Variants in PIP5K1C observed in about 807,000 individuals in gnomAD.
PIP5K1C encodes the protein phosphatidylinositol 4-phosphate 5-kinase type-1 gamma.
In PIP5K1C, 45 loss-of-function variants were observed where a neutral mutation model predicts 80.1. The observed-to-expected ratio is 0.56, with a 90% CI of 0.44 to 0.72. The LOEUF (loss-of-function observed/expected upper bound fraction) is 0.72. Ranked by LOEUF, PIP5K1C falls within the 30% of genes least tolerant of loss-of-function variation. The pLI is 0.00. For synonymous variants in PIP5K1C, 498 were observed against 420.1 expected (o/e 1.19, Z -2.27); for missense variants, 753 against 954.6 (o/e 0.79, Z 2.78).
chr19:3,692,338 A>G lies in PIP5K1C; in HGVS notation c.94+7959T>C, dbSNP rs549211521. Among the ~76,000 whole-genome samples, 104 of 152,202 alleles carry G rather than the reference A, an allele frequency of 6.8e-4. No individual in the cohort carries two copies. Among genetic ancestry groups the G allele is most frequent in the African/African-American group, 2.4e-3 (98 of 41,518 alleles). On this transcript the variant is annotated intron_variant, in intron 1 of 17. Transcript: ENST00000335312. The surrounding 1 kb of genome is among the most constrained non-coding windows in gnomAD (Gnocchi z 5.2). ...CTGCCGGCTCCCACCACGGCCCCCA[A>G]CGCTCCCTACAGGGGCTCCTGGGGC... is the stretch of plus-strand genomic sequence containing the variant.
intron 1 of PIP5K1C, among the ~76,000 whole-genome samples, chr19:3,686,666 C>T (rs1225084077): frequency 6.7e-6 from 1 of 149,748 alleles, no homozygotes; most frequent in African/African-American, 2.5e-5. Flanking sequence ...TGTGGTGAAC[C>T]GAGATCGCAC....
At chr19:3,662,128 C>T in intron 3 of PIP5K1C, 127 bp from the exon 4 acceptor site, 2 of 1,184,700 alleles carry the variant, frequency 1.7e-6, no homozygotes, top group Non-Finnish European at 2.4e-6. Context: ...CAACCCCCTC[C>T]TGGTGGTCCC....
At chr19:3,666,397 C>T (rs770483544) in intron 2 of PIP5K1C, among the ~76,000 whole-genome samples, 32 of 152,346 alleles carry the variant, frequency 2.1e-4, no homozygotes, top group Non-Finnish European at 4.1e-4. Context: ...GCAGGGCCAA[C>T]GTGCAGAGAA....
intron 12 of PIP5K1C, among the ~76,000 whole-genome samples, chr19:3,643,708 G>C (rs2145407451): frequency 7.1e-6 from 1 of 140,836 alleles, no homozygotes; most frequent in African/African-American, 2.7e-5. Flanking sequence ...GCGCTGCTTG[G>C]CCACACGGGC....
intron 5 of PIP5K1C, among the ~76,000 whole-genome samples, chr19:3,660,671 T>C (rs1172801046): frequency 6.6e-6 from 1 of 152,102 alleles, no homozygotes; most frequent in Non-Finnish European, 1.5e-5. Context: ...ACCAACTGTT[T>C]GGTGAGTGGA....
intron 1 of PIP5K1C, among the ~76,000 whole-genome samples, chr19:3,685,218 G>A (rs532148190): frequency 2.0e-5 from 3 of 152,196 alleles, no homozygotes; most frequent in Non-Finnish European, 2.9e-5. Flanking sequence ...GGTGATGCCC[G>A]TGTCAATAGA....
intron 4 of PIP5K1C, 122 bp downstream of exon 4, chr19:3,661,749 A>G (rs2034838411): frequency 1.7e-6 from 2 of 1,197,122 alleles, no homozygotes; most frequent in Non-Finnish European, 1.2e-6. Flanking sequence ...GCTCAAGGCC[A>G]AGGAGGCGCC....
rs999173654 is a variant in PIP5K1C at position 3,637,761 on chromosome 19, G to A, written c.1920+1123C>T. 40 of 1,530,220 alleles carry A rather than the reference G, an allele frequency of 2.6e-5. No individual in the cohort carries two copies. Among genetic ancestry groups the A allele is most frequent in the Non-Finnish European group, 3.5e-5 (40 of 1,144,574 alleles). 94.8% of individuals were successfully genotyped at this position (1,530,220 alleles called of 1,614,324 possible). ...CTGACTGCCAAGCAGAAGGTGGGGG[G>A]TGCCGGGGCAGGGGCAGGACCGAGG... On this transcript the variant is annotated intron_variant, in intron 16 of 17. Coordinates refer to ENST00000335312, the MANE Select transcript of PIP5K1C (RefSeq NM_012398.3). This position sits in a 1 kb window ranked among gnomAD's most constrained non-coding sequence, Gnocchi z 7.0.
chr19:3,642,825 G>A, intron 14 of PIP5K1C, 82 bp downstream of exon 14: 1 of 1,111,256 alleles, frequency 9.0e-7, no homozygotes, highest in Non-Finnish European at 1.4e-6. Flanking sequence ...GAGAGCAGAG[G>A]GGCTGGGGGG....
At chr19:3,681,917 G>C (rs1314483764) in intron 1 of PIP5K1C, among the ~76,000 whole-genome samples, 1 of 152,100 alleles carries the variant, frequency 6.6e-6, no homozygotes, top group Admixed American at 6.5e-5. Flanking sequence ...GGCCCACCAG[G>C]ATCCAAAGCG....
In PIP5K1C at chr19:3,653,521, G is replaced by GC. The variant is rs764308612; in HGVS notation, c.689dup (p.Lys231GlnfsTer114). 4 of 1,613,780 alleles carry GC rather than the reference G, an allele frequency of 2.5e-6. No individual in the cohort carries two copies. The highest frequency in any genetic ancestry group is 1.7e-6 in the Non-Finnish European group (2 of 1,180,006). ...TCATGACCACGACGCGGATGTTCTT[G>GC]CCCCCCGACTGCACGCAGTACAGCC... On this transcript the variant is annotated frameshift_variant, in exon 7 of 18. Transcript: ENST00000335312. LOFTEE classifies it high-confidence loss of function.
chr19:3,699,487 G>A lies in PIP5K1C; in HGVS notation c.94+810C>T, dbSNP rs149100835. Among the ~76,000 whole-genome samples the A allele has an allele frequency of 1.1e-3, 160 of 152,314 alleles. 2 individuals carry two copies. The East Asian group carries it at 0.015, about 14-fold the overall frequency. On this transcript the variant is annotated intron_variant, in intron 1 of 17. Transcript: ENST00000335312. ...GGGGGGAGAAGGAGGACGGATGCCC[G>A]TGTGGGTGTCTACAGAGACGCTGCT...
At chr19:3,655,743 C>T (rs2034600353) in intron 6 of PIP5K1C, among the ~76,000 whole-genome samples, 1 of 152,198 alleles carries the variant, frequency 6.6e-6, no homozygotes, top group South Asian at 2.1e-4. Context: ...GAAACTGAGT[C>T]ACAGGCTGTG....
intron 3 of PIP5K1C, 45 bp from the exon 4 acceptor site, chr19:3,662,046 C>T: frequency 6.5e-7 from 1 of 1,544,618 alleles, no homozygotes; most frequent in Non-Finnish European, 8.7e-7. Context: ...GCTCCCCACG[C>T]TGCCCTGCAC....
chr19:3,640,001 A>G (rs1247073356), intron 15 of PIP5K1C, among the ~76,000 whole-genome samples: 1 of 152,214 alleles, frequency 6.6e-6, no homozygotes, highest in Non-Finnish European at 1.5e-5. Context: ...TTCACGGTGC[A>G]AGGTTTGGCA....
At chr19:3,700,247 G>A in intron 1 of PIP5K1C, 50 bp downstream of exon 1, 1 of 1,049,014 alleles carries the variant, frequency 9.5e-7, no homozygotes, top group Non-Finnish European at 1.2e-6. Flanking sequence ...GCGACTCTCG[G>A]CGCTCGGACG....
rs1390187040 is a variant in PIP5K1C at position 3,637,999 on chromosome 19, A to G, written c.1920+885T>C. 5 of 1,520,810 alleles carry G rather than the reference A, an allele frequency of 3.3e-6. No individual in the cohort carries two copies. In the South Asian group the frequency reaches 6.1e-5, roughly 19 times the overall value. The allele number at this position is 1,520,810 out of a possible 1,614,324, so 94.2% of individuals were successfully genotyped here. A position where few individuals can be genotyped will look rare whatever the true frequency, so the allele number is the denominator to read the frequency against. ...CCAGGTGGGTGCATGGGGACCCCAG[A>G]GGCGCCACTGGAGACAGAGCAGGGG... On this transcript the variant is annotated intron_variant, in intron 16 of 17. Transcript: ENST00000335312. This position sits in a 1 kb window ranked among gnomAD's most constrained non-coding sequence, Gnocchi z 7.0.
At chr19:3,676,585 G>A (rs1310927819) in intron 1 of PIP5K1C, among the ~76,000 whole-genome samples, 2 of 152,232 alleles carry the variant, frequency 1.3e-5, no homozygotes, top group Non-Finnish European at 2.9e-5. Flanking sequence ...GCCAGGAGGC[G>A]CCTGTGAGCA....
At chr19:3,672,326 A>G (rs2145534942) in intron 1 of PIP5K1C, among the ~76,000 whole-genome samples, 2 of 152,272 alleles carry the variant, frequency 1.3e-5, no homozygotes, top group South Asian at 4.1e-4. Flanking sequence ...TGTGTCCCAC[A>G]CCAGCCACCT....
Sources: allele counts gnomAD v4.1 joint callset (sites outside exome capture counted in the v4.1 genomes callset), GRCh38; gene constraint gnomAD v4.1.1; non-coding constraint Gnocchi (gnomAD v3.1); transcripts MANE v1.5; gene names NCBI Gene and HGNC (gene_info 2026-07-23, HGNC 2026-07-21).